Variants in TMIE observed in about 807,000 individuals in gnomAD.
TMIE encodes transmembrane inner ear expressed protein.
TMIE carries 14 observed loss-of-function variants against 16.8 expected under a neutral mutation model. That is an observed-to-expected ratio of 0.83 (90% CI 0.55 to 1.30). The LOEUF is 1.30. Among genes scored for constraint, TMIE ranks in the 50% most tolerant of loss-of-function variants. The pLI, the probability that TMIE is intolerant of heterozygous loss-of-function variation, is 0.00. For missense variants in TMIE, 204 were observed against 205.9 expected (o/e 0.99, Z 0.06); for synonymous variants, 75 against 87.2 (o/e 0.86, Z 0.78).
At chr3:46,694,442 C>T (rs1225920396), upstream of TMIE, 1 of 152,384 alleles carries the variant, frequency 6.6e-6, no homozygotes, top group Non-Finnish European at 1.5e-5. Context: ...CCTCTGGCCA[C>T]CAGGTTAGTC....
upstream of TMIE, among the ~76,000 whole-genome samples, chr3:46,698,041 CTTTTG>C (rs955269711): frequency 6.6e-6 from 1 of 151,920 alleles, no homozygotes; most frequent in Non-Finnish European, 1.5e-5. Flanking sequence ...TTTTTTGTTT[CTTTTG>C]TTTTGTTTTG....
rs1224878300 is a variant in TMIE, at chr3:46,710,450, G to A, written c.*762G>A. On this transcript the variant is annotated 3_prime_UTR_variant, in exon 4 of 4. Coordinates refer to ENST00000643606, the MANE Select transcript of TMIE (RefSeq NM_147196.3). ...AGAGCTAAGGCCAATGGGCTAGAGGGTGCCGGAAAGAGAGCTGGAGTCTGG... is the reference window on the plus strand; with the variant it reads ...AGAGCTAAGGCCAATGGGCTAGAGGATGCCGGAAAGAGAGCTGGAGTCTGG... 1 of 153,032 alleles carries A rather than the reference G, an allele frequency of 6.5e-6. No homozygotes were observed. Among genetic ancestry groups the A allele is most frequent in the Non-Finnish European group, 1.5e-5 (1 of 68,664 alleles). 9.5% of individuals were successfully genotyped at this position (153,032 alleles called of 1,614,324 possible).
At chr3:46,699,100 G>A (rs1170238027), upstream of TMIE, among the ~76,000 whole-genome samples, 3 of 95,908 alleles carry the variant, frequency 3.1e-5, no homozygotes, top group East Asian at 3.1e-4. Flanking sequence ...ACAGAGTTTC[G>A]CTCTTGTTGC....
At chr3:46,703,169 A>T (rs1700498551) in intron 1 of TMIE, among the ~76,000 whole-genome samples, 2 of 152,268 alleles carry the variant, frequency 1.3e-5, no homozygotes, top group South Asian at 4.1e-4. Context: ...TGTGTGGGTC[A>T]CCATCACCCT....
At chr3:46,708,615 C>T (rs527411302) in intron 2 of TMIE, among the ~76,000 whole-genome samples, 121 of 152,324 alleles carry the variant, frequency 7.9e-4, no homozygotes, top group African/African-American at 2.8e-3. Flanking sequence ...CATGGGCTCC[C>T]GCCCTAGCCA....
chr3:46,709,546 A>G lies in TMIE; in HGVS notation c.362-33A>G. On this transcript the variant is annotated intron_variant, in intron 3 of 3. Transcript: ENST00000643606. ...TCAGACCCCAGGACCTTGTCTCACCACTATCACATGGTCTCTTCCCCCTGC... is the reference window on the plus strand; with the variant it reads ...TCAGACCCCAGGACCTTGTCTCACCGCTATCACATGGTCTCTTCCCCCTGC... 5 of 1,613,744 alleles carry G rather than the reference A, an allele frequency of 3.1e-6. No homozygotes were observed. The East Asian group carries it at 8.9e-5, about 29-fold the overall frequency.
At chr3:46,705,063 A>C (rs1055746683) in intron 1 of TMIE, among the ~76,000 whole-genome samples, 1 of 151,926 alleles carries the variant, frequency 6.6e-6, no homozygotes, top group Non-Finnish European at 1.5e-5. Flanking sequence ...TGTGTCCTCT[A>C]GACCCTGGGG....
upstream of TMIE, among the ~76,000 whole-genome samples, chr3:46,696,497 C>T (rs1184030272): frequency 6.6e-6 from 1 of 152,180 alleles, no homozygotes; most frequent in Non-Finnish European, 1.5e-5. Flanking sequence ...TCAGGGACAG[C>T]CAACTCCCAG....
Position 46,709,606 on chromosome 3 carries a change from AG to A in TMIE, c.390del (p.Lys131ArgfsTer11), listed in dbSNP as rs778899969. ...GATAAGAAGAAGAAGAAGAAGAAGA[AG>A]AAGGACAGTGTGGACACAGTGGCCA... ...GEDKKKKKKK[K>X]KDSVDTVAIK... On this transcript the variant is annotated frameshift_variant, in exon 4 of 4. Transcript: ENST00000643606. LOFTEE classifies it high-confidence loss of function. 1.1e-4 allele frequency: 177 copies of A among 1,613,502 alleles called. No individual in the cohort carries two copies. In the Admixed American group the frequency reaches 2.9e-3, roughly 27 times the overall value.
intron 2 of TMIE, 103 bp downstream of exon 2, chr3:46,706,010 G>A: frequency 1.6e-6 from 2 of 1,225,658 alleles, no homozygotes; most frequent in South Asian, 1.2e-5. Flanking sequence ...GTGCAAGTAG[G>A]CCAGGCACCC....
intron 1 of TMIE, among the ~76,000 whole-genome samples, chr3:46,704,586 T>A (rs1363549080): frequency 1.1e-5 from 1 of 93,008 alleles, no homozygotes; most frequent in Non-Finnish European, 2.1e-5. Flanking sequence ...CAGGGCAGGA[T>A]CATGTCCCTA....
intron 1 of TMIE, among the ~76,000 whole-genome samples, chr3:46,696,218 G>C (rs1700410676): frequency 6.6e-6 from 1 of 152,186 alleles, no homozygotes. Context: ...GGCAGCCCTG[G>C]GTATGCGTGT....
rs530579940 is a variant in TMIE, at chr3:46,701,451, C to T, written c.-37C>T. ...GGCAGTGACCGGCGGCCGGCCCGTTCGTCCCTGGGCTCCGCAAGCGGCGCG... is the reference window on the plus strand; with the variant it reads ...GGCAGTGACCGGCGGCCGGCCCGTTTGTCCCTGGGCTCCGCAAGCGGCGCG... On this transcript the variant is annotated 5_prime_UTR_variant, in exon 1 of 4. Transcript: ENST00000643606. The surrounding 1 kb of genome is among the most constrained non-coding windows in gnomAD (Gnocchi z 4.3). 8 of 1,387,812 alleles carry T rather than the reference C, an allele frequency of 5.8e-6. No homozygotes were observed. Among genetic ancestry groups the T allele is most frequent in the South Asian group, 1.5e-5 (1 of 65,308 alleles). The allele number at this position is 1,387,812 out of a possible 1,614,324, so 86.0% of individuals were successfully genotyped here.
In TMIE at chr3:46,701,611, G is replaced by T. The variant is rs904557572; in HGVS notation, c.93+31G>T. ...GCCGCGGCACGGAGGGACTGGGGAG[G>T]CTGTCACCCTCCAGGCAGGGGGCTG... is the stretch of plus-strand genomic sequence containing the variant. On this transcript the variant is annotated intron_variant, in intron 1 of 3. Coordinates refer to ENST00000643606, the MANE Select transcript of TMIE (RefSeq NM_147196.3). This position sits in a 1 kb window ranked among gnomAD's most constrained non-coding sequence, Gnocchi z 4.3. The T allele has an allele frequency of 7.9e-7, 1 of 1,270,822 alleles. No individual in the cohort carries two copies. Among genetic ancestry groups the T allele is most frequent in the Non-Finnish European group, 9.9e-7 (1 of 1,010,360 alleles). The allele number at this position is 1,270,822 out of a possible 1,614,324, so 78.7% of individuals were successfully genotyped here.
chr3:46,702,743 G>A (rs941977161), intron 1 of TMIE, among the ~76,000 whole-genome samples: 1 of 152,106 alleles, frequency 6.6e-6, no homozygotes, highest in Non-Finnish European at 1.5e-5. Context: ...GGGGACATAG[G>A]GACAGAGCCC....
At chr3:46,704,213 C>G (rs563832035) in intron 1 of TMIE, among the ~76,000 whole-genome samples, 1 of 150,306 alleles carries the variant, frequency 6.7e-6, no homozygotes, top group East Asian at 2.0e-4. Context: ...AGCATATCCC[C>G]TAGACACCCA....
In TMIE at chr3:46,710,572, G is replaced by A. The variant is rs1700609452; in HGVS notation, c.*884G>A. On this transcript the variant is annotated 3_prime_UTR_variant, in exon 4 of 4. Transcript: ENST00000643606. Reference sequence around the variant, plus strand: ...TGCCCAGCTGTGCTGGGAGGTCCCAGGGCCCTAGAAGATCACAGCAGGGCC... The same window carrying A: ...TGCCCAGCTGTGCTGGGAGGTCCCAAGGCCCTAGAAGATCACAGCAGGGCC... 6.6e-6 allele frequency: 1 copy of A among 152,238 alleles called. No homozygotes were observed. Among genetic ancestry groups the A allele is most frequent in the Non-Finnish European group, 1.5e-5 (1 of 68,044 alleles). 9.4% of individuals were successfully genotyped at this position (152,238 alleles called of 1,614,324 possible). A position where few individuals can be genotyped will look rare whatever the true frequency, so the allele number is the denominator to read the frequency against.
chr3:46,696,017 T>C (rs1700409241), intron 1 of TMIE, among the ~76,000 whole-genome samples: 1 of 152,124 alleles, frequency 6.6e-6, no homozygotes, highest in Admixed American at 6.5e-5. Context: ...CCACCTGCCT[T>C]CAGTCCCCTG....
In TMIE at chr3:46,709,784, A is replaced by C; in HGVS notation, c.*96A>C. 6.3e-7 allele frequency: 1 copy of C among 1,588,320 alleles called. No individual in the cohort carries two copies. The highest frequency in any genetic ancestry group is 8.6e-7 in the Non-Finnish European group (1 of 1,168,494). ...CTCTGAGCTCATTTGGGGACCACAG[A>C]GGCTGTGGTCAGAGAGGGAAGCTGA... On this transcript the variant is annotated 3_prime_UTR_variant, in exon 4 of 4. Transcript: ENST00000643606.
Sources: allele counts gnomAD v4.1 joint callset (sites outside exome capture counted in the v4.1 genomes callset), GRCh38; gene constraint gnomAD v4.1.1; non-coding constraint Gnocchi (gnomAD v3.1); transcripts MANE v1.5; gene names NCBI Gene and HGNC (gene_info 2026-07-23, HGNC 2026-07-21).